Variants in CYLD observed in about 807,000 individuals in gnomAD.
CYLD encodes ubiquitin carboxyl-terminal hydrolase CYLD.
CYLD carries 26 observed loss-of-function variants against 104.5 expected under a neutral mutation model. The ratio of observed to expected loss-of-function variants is 0.25; its 90% CI spans 0.18 to 0.35. The LOEUF is 0.35. Ranked by LOEUF, CYLD falls within the 10% of genes least tolerant of loss-of-function variation. CYLD has a pLI of 1.00. For synonymous variants in CYLD, 385 were observed against 399.9 expected, an observed-to-expected ratio of 0.96 and a Z score of 0.45; for missense variants, 703 against 1,136.1, an observed-to-expected ratio of 0.62 and a Z score of 5.48.
At position 50,796,379 on chromosome 16, in the gene CYLD, G is replaced by A. The variant is rs1319296404; in HGVS notation, c.2742G>A (p.Glu914=). The part of the protein sequence containing the change: ...PQVTPCPEVG[E]YLKMSLEDLH... ...TCACCCCATGCCCAGAAGTAGGAGA[G>A]TACTTGAAGATGTCTCTGGAAGACC... Residue 914 remains glutamate, a synonymous_variant, in exon 19 of 19, where the codon GAG becomes GAA. Coordinates refer to ENST00000427738, the MANE Select transcript of CYLD (RefSeq NM_001378743.1). 2 of 1,614,152 alleles carry A rather than the reference G, an allele frequency of 1.2e-6. No homozygotes were observed. Among genetic ancestry groups the A allele is most frequent in the African/African-American group, 1.3e-5 (1 of 75,042 alleles).
chr16:50,788,736 A>C (rs1350313729), intron 14 of CYLD, among the ~76,000 whole-genome samples: 1 of 152,248 alleles, frequency 6.6e-6, no homozygotes, highest in African/African-American at 2.4e-5. Context: ...ACAATTAGCA[A>C]AATAATTCAT....
intron 5 of CYLD, among the ~76,000 whole-genome samples, chr16:50,772,403 A>G (rs1217306679): frequency 6.6e-6 from 1 of 152,192 alleles, no homozygotes; most frequent in Non-Finnish European, 1.5e-5. Context: ...TTTTAGTTGT[A>G]CTTAGCAAAA....
chr16:50,755,153 A>ATATACACACGTGTACATATGTGTGTG (rs1967033826), intron 5 of CYLD, among the ~76,000 whole-genome samples: 2 of 126,936 alleles, frequency 1.6e-5, no homozygotes, highest in African/African-American at 6.8e-5. Context: ...ATATGTGTGT[A>ATATACACACGTGTACATATGTGTGTG]TATACACACG....
intron 5 of CYLD, among the ~76,000 whole-genome samples, chr16:50,772,871 T>C (rs1384107364): frequency 3.3e-5 from 5 of 152,196 alleles, no homozygotes; most frequent in Non-Finnish European, 7.4e-5. Context: ...GAAGGATAAT[T>C]TGAAGCACCA....
chr16:50,775,841 G>A (rs949825137), intron 6 of CYLD, among the ~76,000 whole-genome samples: 3 of 152,128 alleles, frequency 2.0e-5, no homozygotes, highest in Non-Finnish European at 4.4e-5. Flanking sequence ...TTTGGGAAAT[G>A]CTGTAAAAAA....
chr16:50,762,669 A>G (rs541522126), intron 5 of CYLD, among the ~76,000 whole-genome samples: 126 of 152,372 alleles, frequency 8.3e-4, no homozygotes, highest in African/African-American at 2.9e-3. Context: ...CTGTAGAACA[A>G]TTGGAGGAGA....
chr16:50,775,983 T>C (rs1487263303), intron 6 of CYLD, among the ~76,000 whole-genome samples, 196 bp from the exon 7 acceptor site: 1 of 152,240 alleles, frequency 6.6e-6, no homozygotes, highest in East Asian at 1.9e-4. Context: ...AAATTACATT[T>C]TGAAATACAG....
At chr16:50,747,426 A>G (rs1420298437) in intron 2 of CYLD, among the ~76,000 whole-genome samples, 1 of 152,262 alleles carries the variant, frequency 6.6e-6, no homozygotes, top group Admixed American at 6.5e-5. Context: ...CTCAGGAAGC[A>G]TAAGATACAG....
At chr16:50,760,843 C>T (rs1466890513) in intron 5 of CYLD, among the ~76,000 whole-genome samples, 1 of 152,022 alleles carries the variant, frequency 6.6e-6, no homozygotes, top group Admixed American at 6.6e-5. Context: ...AGGGCGTATG[C>T]GTTGGTATTG....
chr16:50,764,958 G>T (rs1279507408), intron 5 of CYLD, among the ~76,000 whole-genome samples: 1 of 152,172 alleles, frequency 6.6e-6, no homozygotes, highest in Non-Finnish European at 1.5e-5. Flanking sequence ...ATAGCTATGG[G>T]GGAATCACTT....
At chr16:50,788,283 C>T (rs527498885) in intron 14 of CYLD, among the ~76,000 whole-genome samples, 2 of 152,236 alleles carry the variant, frequency 1.3e-5, no homozygotes, top group South Asian at 4.1e-4. Context: ...ATAACTTTGT[C>T]TCCCCTCCCC....
chr16:50,792,684 A>G lies in CYLD; in HGVS notation c.2329A>G (p.Ile777Val). The change falls in exon 16 of 19, where the codon ATA (isoleucine) becomes GTA (valine). Residue 777 changes from isoleucine (I) to valine (V), a missense_variant. Ile to Val is a conservative substitution (Grantham distance 29). Coordinates refer to ENST00000427738, the MANE Select transcript of CYLD (RefSeq NM_001378743.1). ...KKIFPSLELN[I>V]TDLLEDTPRQ... is the part of the protein sequence containing the mutation. ...AATTTTTCCTTCTCTGGAATTAAAT[A>G]TAACAGATTTACTTGAAGACAGTAA... 1 of 1,513,574 alleles carries G rather than the reference A, an allele frequency of 6.6e-7. No individual in the cohort carries two copies. Among genetic ancestry groups the G allele is most frequent in the Non-Finnish European group, 9.1e-7 (1 of 1,093,822 alleles). 93.8% of individuals were successfully genotyped at this position (1,513,574 alleles called of 1,614,324 possible).
At chr16:50,780,369 G>A (rs1301482989) in intron 9 of CYLD, among the ~76,000 whole-genome samples, 1 of 152,016 alleles carries the variant, frequency 6.6e-6, no homozygotes, top group Non-Finnish European at 1.5e-5. Context: ...CCTTCCCCTG[G>A]TCAGTTCTAA....
intron 18 of CYLD, chr16:50,795,533 C>T (rs1360689851): frequency 7.1e-6 from 5 of 702,754 alleles, no homozygotes; most frequent in Non-Finnish European, 1.3e-5. Context: ...TTCTTATACC[C>T]TATTTTTCCT....
Position 50,797,023 on chromosome 16 carries a change from T to C in CYLD, c.*515T>C. 1 of 242,720 alleles carries C rather than the reference T, an allele frequency of 4.1e-6. No individual in the cohort carries two copies. Among genetic ancestry groups the C allele is most frequent in the East Asian group, 5.8e-5 (1 of 17,102 alleles). 15.0% of individuals were successfully genotyped at this position (242,720 alleles called of 1,614,324 possible). On this transcript the variant is annotated 3_prime_UTR_variant, in exon 19 of 19. Coordinates refer to ENST00000427738, the MANE Select transcript of CYLD (RefSeq NM_001378743.1). The stretch of plus-strand genomic sequence containing the variant: ...TTTGTTAATCCTTTCTATATACTGC[T>C]GATCTTGCATGTCTACAATCTGCTC...
Position 50,794,686 on chromosome 16 carries a change from T to A in CYLD, c.2686+258T>A, listed in dbSNP as rs1250681409. ...CCCAGGCTGGAGTGCAGCAGCGTGA[T>A]CTTGGCTCATTGCAACCTCCACCTC... On this transcript the variant is annotated intron_variant, in intron 18 of 18. Transcript: ENST00000427738. The surrounding 1 kb of genome is among the most constrained non-coding windows in gnomAD (Gnocchi z 4.1). 4 of 472,474 alleles carry A rather than the reference T, an allele frequency of 8.5e-6. No individual in the cohort carries two copies. The highest frequency in any genetic ancestry group is 1.6e-5 in the Non-Finnish European group (4 of 258,052). The allele number at this position is 472,474 out of a possible 1,614,324, so 29.3% of individuals were successfully genotyped here.
At chr16:50,742,625 G>T in intron 1 of CYLD, 137 bp from the exon 2 acceptor site, 1 of 389,148 alleles carries the variant, frequency 2.6e-6, no homozygotes, top group Non-Finnish European at 4.5e-6. Flanking sequence ...GGCCTCAGGA[G>T]CCCGGGGCTG....
At position 50,793,306 on chromosome 16, in the gene CYLD, A is replaced by G. The variant is rs73584492; in HGVS notation, c.2351-240A>G. Among the ~76,000 whole-genome samples the G allele has an allele frequency of 0.051, 7,785 of 152,240 alleles. 631 individuals are homozygous for G. The highest frequency in any genetic ancestry group is 0.18 in the African/African-American group (7,292 of 41,514). ...TTGAATTTTCATCAATGGGTATTTT[A>G]TAATGAAGGGAAAAATACTCTAGGA... On this transcript the variant is annotated intron_variant, in intron 16 of 18. Coordinates refer to ENST00000427738, the MANE Select transcript of CYLD (RefSeq NM_001378743.1).
At chr16:50,785,007 A>G (rs540953650) in intron 12 of CYLD, 8 of 154,136 alleles carry the variant, frequency 5.2e-5, no homozygotes, top group Non-Finnish European at 8.7e-5. Context: ...TCCATTTCCT[A>G]CTTTAGGAAT....
Sources: allele counts gnomAD v4.1 joint callset (sites outside exome capture counted in the v4.1 genomes callset), GRCh38; gene constraint gnomAD v4.1.1; non-coding constraint Gnocchi (gnomAD v3.1); transcripts MANE v1.5; gene names NCBI Gene and HGNC (gene_info 2026-07-23, HGNC 2026-07-21).